Variants in FRMPD4 observed in about 807,000 individuals in gnomAD.
FRMPD4 encodes FERM and PDZ domain-containing protein 4.
Under a neutral mutation model 94.1 loss-of-function variants are expected in FRMPD4, and 22 were observed. That is an observed-to-expected ratio of 0.23 (90% CI 0.17 to 0.33). The LOEUF is 0.33. FRMPD4 is among the 10% of genes least tolerant of loss of function. FRMPD4 has a pLI of 1.00. For missense variants in FRMPD4, 1,111 were observed against 1,339.9 expected, an observed-to-expected ratio of 0.83 and a Z score of 2.67; for synonymous variants, 631 against 548.6, an observed-to-expected ratio of 1.15 and a Z score of -2.10.
At chrX:12,065,967 T>C (rs2054917486) in intron 3 of FRMPD4, among the ~76,000 whole-genome samples, 1 of 112,144 alleles carries the variant, frequency 8.9e-6, no homozygotes, top group Admixed American at 9.5e-5. Flanking sequence ...AATCTAACTC[T>C]ATTCCTCCTC....
intron 1 of FRMPD4, among the ~76,000 whole-genome samples, chrX:12,357,611 G>A (rs979301971): frequency 3.6e-5 from 4 of 111,690 alleles, no homozygotes; most frequent in African/African-American, 1.3e-4. Context: ...ACATGTCCTG[G>A]CAATTTACTC....
At position 11,827,124 on chromosome X, in the gene FRMPD4, G is replaced by GTATTTTATA. The variant is rs762866427; in HGVS notation, c.-161+4413_-161+4421dup. On this transcript the variant is annotated intron_variant, in intron 1 of 18. Coordinates refer to the FRMPD4 transcript ENST00000640291. ...TCTGTATATAACATATATAAAAGGT[G>GTATTTTATA]TATTTTATATATAATATATGTAAAT... 8.5e-4 allele frequency among the ~76,000 whole-genome samples: 85 copies of GTATTTTATA among 99,978 alleles called. 1 individual carries two copies. Among genetic ancestry groups the GTATTTTATA allele is most frequent in the African/African-American group, 2.9e-3 (81 of 27,788 alleles). 86.8% of individuals were successfully genotyped at this position (99,978 alleles called of 115,157 possible).
At chrX:11,848,313 T>C (rs2053594807) in intron 1 of FRMPD4, among the ~76,000 whole-genome samples, 1 of 111,340 alleles carries the variant, frequency 9.0e-6, no homozygotes, top group African/African-American at 3.3e-5. Context: ...CTGCTGTTTT[T>C]CCCCTCATTT....
At chrX:12,463,381 C>A (rs1424979714) in intron 1 of FRMPD4, among the ~76,000 whole-genome samples, 1 of 111,707 alleles carries the variant, frequency 9.0e-6, no homozygotes. Flanking sequence ...ATTTGCTAGC[C>A]AGCACTCTCC....
At chrX:12,255,486 T>C (rs1484191194) in intron 1 of FRMPD4, among the ~76,000 whole-genome samples, 1 of 111,896 alleles carries the variant, frequency 8.9e-6, no homozygotes, top group Non-Finnish European at 1.9e-5. Flanking sequence ...TATCAACTGC[T>C]TTATTGCTGT....
intron 9 of FRMPD4, 113 bp from the exon 10 acceptor site, chrX:12,701,761 T>C: frequency 1.2e-6 from 1 of 805,568 alleles, no homozygotes; most frequent in Non-Finnish European, 1.8e-6. Flanking sequence ...TTAGCCTCCT[T>C]GCCTGGGAAG....
chrX:12,446,754 C>T (rs1259272920), intron 1 of FRMPD4, among the ~76,000 whole-genome samples: 1 of 112,010 alleles, frequency 8.9e-6, no homozygotes. Context: ...TCCATTAAAC[C>T]TCCTTTTGTC....
chrX:12,666,357 A>G (rs2059780151), intron 4 of FRMPD4, among the ~76,000 whole-genome samples: 1 of 111,466 alleles, frequency 9.0e-6, no homozygotes, highest in Admixed American at 9.6e-5. Context: ...CACTGTCAGT[A>G]GTAGACAGAT....
chrX:11,956,332 A>G (rs932246307), intron 3 of FRMPD4, among the ~76,000 whole-genome samples: 3 of 111,214 alleles, frequency 2.7e-5, no homozygotes, highest in Non-Finnish European at 5.7e-5. Flanking sequence ...CTGTACTCTT[A>G]TTTCTTGCTT....
intron 3 of FRMPD4, among the ~76,000 whole-genome samples, chrX:11,950,570 C>G (rs1317723010): frequency 1.8e-5 from 2 of 111,788 alleles, no homozygotes; most frequent in Non-Finnish European, 3.8e-5. Context: ...CTGCATTTCT[C>G]CCTTGTAACT....
At chrX:12,679,366 A>T (rs1459918009) in intron 5 of FRMPD4, among the ~76,000 whole-genome samples, 1 of 111,796 alleles carries the variant, frequency 8.9e-6, no homozygotes, top group Non-Finnish European at 1.9e-5. Context: ...GGGTCATATG[A>T]GAGGGAGCAC....
intron 1 of FRMPD4, among the ~76,000 whole-genome samples, chrX:12,300,475 T>C (rs1490140471): frequency 1.8e-5 from 2 of 111,919 alleles, no homozygotes; most frequent in Non-Finnish European, 3.8e-5. Flanking sequence ...TGATGTGGAC[T>C]TCATGCCACT....
intron 2 of FRMPD4, among the ~76,000 whole-genome samples, chrX:12,552,832 A>G (rs945258268): frequency 3.6e-5 from 4 of 112,592 alleles, no homozygotes; most frequent in Non-Finnish European, 7.5e-5. Context: ...TTATTTTTAA[A>G]CATCTATGAA....
intron 3 of FRMPD4, among the ~76,000 whole-genome samples, chrX:12,610,514 A>G (rs2059171613): frequency 8.9e-6 from 1 of 112,596 alleles, no homozygotes; most frequent in South Asian, 3.6e-4. Context: ...TGAGAGGCCA[A>G]GGCTGGTGGG....
chrX:11,847,488 T>C (rs867919313), intron 1 of FRMPD4, among the ~76,000 whole-genome samples: 143 of 107,771 alleles, frequency 1.3e-3, no homozygotes, highest in Middle Eastern at 9.2e-3. Context: ...TCCTCAGGGA[T>C]CTAGAACTAG....
chrX:12,605,540 G>C (rs1350436269), intron 2 of FRMPD4, among the ~76,000 whole-genome samples: 3 of 111,368 alleles, frequency 2.7e-5, no homozygotes, highest in Non-Finnish European at 5.7e-5. Context: ...ATGTCTACTT[G>C]TTCCACTCAG....
At chrX:12,134,019 C>T (rs894855173), upstream of FRMPD4, among the ~76,000 whole-genome samples, 1 of 112,166 alleles carries the variant, frequency 8.9e-6, no homozygotes, top group African/African-American at 3.2e-5. Flanking sequence ...TGGCTGCCTT[C>T]GGATTCTTCA....
intron 1 of FRMPD4, among the ~76,000 whole-genome samples, chrX:12,421,114 G>C (rs1204669389): frequency 8.9e-6 from 1 of 111,869 alleles, no homozygotes; most frequent in Non-Finnish European, 1.9e-5. Context: ...ATTGGCAATG[G>C]GAGTTGGCAA....
intron 4 of FRMPD4, among the ~76,000 whole-genome samples, chrX:12,635,166 G>GT (rs2059432219): frequency 8.9e-6 from 1 of 111,815 alleles, no homozygotes; most frequent in Non-Finnish European, 1.9e-5. Flanking sequence ...CAGATATACA[G>GT]TATGTCTTAA....
Sources: allele counts gnomAD v4.1 joint callset (sites outside exome capture counted in the v4.1 genomes callset), GRCh38; gene constraint gnomAD v4.1.1; transcripts MANE v1.5; gene names NCBI Gene and HGNC (gene_info 2026-07-23, HGNC 2026-07-21).